RBMS3: variants seen among roughly 807,000 people sequenced by gnomAD.
RBMS3 encodes RNA-binding motif, single-stranded-interacting protein 3.
In RBMS3, 27 loss-of-function variants were observed where a neutral mutation model predicts 66.8. That is an observed-to-expected ratio of 0.40 (90% CI 0.30 to 0.56). The LOEUF is 0.56. RBMS3 is among the 20% of genes least tolerant of loss of function. The pLI is 0.40. For missense variants in RBMS3, 513 were observed against 549.5 expected, an observed-to-expected ratio of 0.93 and a Z score of 0.66; for synonymous variants, 188 against 183.0, an observed-to-expected ratio of 1.03 and a Z score of -0.22.
intron 14 of RBMS3, among the ~76,000 whole-genome samples, chr3:29,995,867 C>T (rs1214371144): frequency 6.6e-6 from 1 of 151,974 alleles, no homozygotes; most frequent in Non-Finnish European, 1.5e-5. Flanking sequence ...AACTAATGAG[C>T]AAAATAACCA....
At chr3:29,750,712 CT>C (rs2055137583) in intron 5 of RBMS3, among the ~76,000 whole-genome samples, 1 of 152,098 alleles carries the variant, frequency 6.6e-6, no homozygotes, top group Non-Finnish European at 1.5e-5. Context: ...CACCTTCCAC[CT>C]TCTGAAGGGC....
intron 10 of RBMS3, among the ~76,000 whole-genome samples, chr3:29,929,382 A>G (rs1461535485): frequency 6.6e-6 from 1 of 152,200 alleles, no homozygotes; most frequent in Admixed American, 6.5e-5. Flanking sequence ...CTAATTATCT[A>G]TGTACCTGCT....
Position 29,854,054 on chromosome 3 carries a change from G to A in RBMS3, c.638-14804G>A, listed in dbSNP as rs369537521. ...TGTTTTTTGAAAGTGTCAAAAAGTC[G>A]TGAGAACAAAGCATCCCCTCTGTGC... On this transcript the variant is annotated intron_variant, in intron 6 of 14. Coordinates refer to ENST00000383767, the MANE Select transcript of RBMS3 (RefSeq NM_001003793.3). Among the ~76,000 whole-genome samples the A allele has an allele frequency of 1.4e-3, 208 of 152,244 alleles. 7 individuals are homozygous for A. In the South Asian group the frequency reaches 0.04, roughly 29 times the overall value.
chr3:29,809,391 A>G (rs2057659304), intron 6 of RBMS3, among the ~76,000 whole-genome samples: 1 of 151,080 alleles, frequency 6.6e-6, no homozygotes, highest in South Asian at 2.1e-4. Flanking sequence ...TTGTTTCTTT[A>G]ATCATGGGCA....
intron 4 of RBMS3, among the ~76,000 whole-genome samples, chr3:29,651,073 C>T (rs935429602): frequency 3.0e-4 from 45 of 152,032 alleles, no homozygotes; most frequent in African/African-American, 1.1e-3. Context: ...TTTATCAAAC[C>T]AATAGGCCAT....
At chr3:29,323,726 A>C (rs12492586) in intron 1 of RBMS3, among the ~76,000 whole-genome samples, 388 of 140,694 alleles carry the variant, frequency 2.8e-3, no homozygotes, top group Non-Finnish European at 4.2e-3. Context: ...ACACACACAC[A>C]CCCCTTGGAC....
chr3:29,963,414 C>G (rs1363148406), intron 12 of RBMS3, among the ~76,000 whole-genome samples: 1 of 152,206 alleles, frequency 6.6e-6, no homozygotes, highest in East Asian at 1.9e-4. Flanking sequence ...AAGGATTCCT[C>G]TCAGTCTTAT....
At position 29,676,933 on chromosome 3, in the gene RBMS3, G is replaced by T. The variant is rs549068883; in HGVS notation, c.400-62787G>T. Among the ~76,000 whole-genome samples, 7 of 152,170 alleles carry T rather than the reference G, an allele frequency of 4.6e-5. No homozygotes were observed. The South Asian group carries it at 8.3e-4, about 18-fold the overall frequency. ...ACTGGGTAATTTATGAAGAAAAGAG[G>T]TTTAATTGGCACATAGTTCTGCAGG... is the stretch of plus-strand genomic sequence containing the variant. On this transcript the variant is annotated intron_variant, in intron 4 of 14. Coordinates refer to ENST00000383767, the MANE Select transcript of RBMS3 (RefSeq NM_001003793.3).
intron 4 of RBMS3, among the ~76,000 whole-genome samples, chr3:29,609,197 C>G (rs556395090): frequency 1.3e-5 from 2 of 152,090 alleles, no homozygotes; most frequent in African/African-American, 4.8e-5. Flanking sequence ...GCATTTCTGT[C>G]CCTGTTTCTT....
chr3:29,451,439 G>A (rs2042014955), intron 2 of RBMS3, among the ~76,000 whole-genome samples: 1 of 151,986 alleles, frequency 6.6e-6, no homozygotes, highest in Non-Finnish European at 1.5e-5. Context: ...TAAAATTTGG[G>A]GACATCAGGA....
At chr3:29,571,982 A>G (rs1559478501) in intron 3 of RBMS3, among the ~76,000 whole-genome samples, 1 of 151,804 alleles carries the variant, frequency 6.6e-6, no homozygotes, top group Non-Finnish European at 1.5e-5. Context: ...TTTTAATTAT[A>G]GAGATATTTT....
chr3:29,319,259 G>A (rs2034869825), intron 1 of RBMS3, among the ~76,000 whole-genome samples: 1 of 152,088 alleles, frequency 6.6e-6, no homozygotes, highest in South Asian at 2.1e-4. Context: ...CTCTTCCCTT[G>A]CCTCGTTCAG....
intron 4 of RBMS3, chr3:29,698,346 C>T (rs1004825716): frequency 1.2e-5 from 12 of 985,116 alleles, no homozygotes; most frequent in African/African-American, 5.2e-5. Context: ...ATAATAAAAC[C>T]GGAGCAGTTT....
intron 1 of RBMS3, among the ~76,000 whole-genome samples, chr3:29,420,769 C>T (rs1219609507): frequency 6.6e-6 from 1 of 151,918 alleles, no homozygotes; most frequent in East Asian, 1.9e-4. Flanking sequence ...AATAAATGAT[C>T]ACTCCTAGAA....
chr3:29,626,382 G>A (rs903731763), intron 4 of RBMS3, among the ~76,000 whole-genome samples: 1 of 152,112 alleles, frequency 6.6e-6, no homozygotes, highest in Non-Finnish European at 1.5e-5. Flanking sequence ...AAAAGCCTAT[G>A]AATTTTGGCA....
chr3:29,387,960 A>G (rs2039086285), intron 1 of RBMS3, among the ~76,000 whole-genome samples: 1 of 151,924 alleles, frequency 6.6e-6, no homozygotes, highest in Non-Finnish European at 1.5e-5. Flanking sequence ...AGGCTAAGAG[A>G]ACCCAAACAT....
chr3:29,967,715 A>G (rs999130678), intron 12 of RBMS3, among the ~76,000 whole-genome samples: 3 of 152,146 alleles, frequency 2.0e-5, no homozygotes, highest in African/African-American at 7.2e-5. Context: ...ATTTTTCCAG[A>G]AATTTATCCG....
chr3:29,588,072 T>C (rs1184589807), intron 4 of RBMS3, among the ~76,000 whole-genome samples: 6 of 152,032 alleles, frequency 3.9e-5, no homozygotes, highest in African/African-American at 9.7e-5. Context: ...TCATGAAGGG[T>C]ACATAGGCTC....
rs186591950 is a variant in RBMS3, at chr3:29,333,018, C to T, written c.75+51262C>T. Among the ~76,000 whole-genome samples, 262 of 152,100 alleles carry T rather than the reference C, an allele frequency of 1.7e-3. 3 individuals carry two copies. Among genetic ancestry groups the T allele is most frequent in the Non-Finnish European group, 2.0e-3 (136 of 67,964 alleles). ...ATTAAATATAGAAAAATTTCAGTAA[C>T]AGAAAATATTGAAAAATTTTAGAAA... On this transcript the variant is annotated intron_variant, in intron 1 of 14. Transcript: ENST00000383767.
Sources: allele counts gnomAD v4.1 joint callset (sites outside exome capture counted in the v4.1 genomes callset), GRCh38; gene constraint gnomAD v4.1.1; transcripts MANE v1.5; gene names NCBI Gene and HGNC (gene_info 2026-07-23, HGNC 2026-07-21).